Variants in NKAIN2 observed in about 807,000 individuals in gnomAD.
The protein encoded by NKAIN2 is sodium/potassium transporting ATPase interacting 2, also known as sodium/potassium-transporting ATPase subunit beta-1-interacting protein 2.
Under a neutral mutation model 32.6 loss-of-function variants are expected in NKAIN2, and 14 were observed. The observed-to-expected ratio is 0.43, with a 90% confidence interval of 0.28 to 0.67. NKAIN2 has a LOEUF of 0.67. Among genes scored for constraint, NKAIN2 ranks in the 30% least tolerant of loss-of-function variants. The pLI is 0.17. For synonymous variants in NKAIN2, 80 were observed against 87.2 expected (o/e 0.92, Z 0.46); for missense variants, 198 against 258.3 (o/e 0.77, Z 1.60).
At chr6:124,530,330 C>T (rs1779475130) in intron 3 of NKAIN2, among the ~76,000 whole-genome samples, 4 of 152,150 alleles carry the variant, frequency 2.6e-5, no homozygotes, top group African/African-American at 9.7e-5. Flanking sequence ...AATATATTTA[C>T]TATTCGCTAA....
chr6:124,046,211 A>T (rs917818257), intron 1 of NKAIN2, among the ~76,000 whole-genome samples: 1 of 152,036 alleles, frequency 6.6e-6, no homozygotes, highest in Admixed American at 6.6e-5. Flanking sequence ...TATATGCAGT[A>T]TGCTACTATA....
In NKAIN2 at chr6:123,969,607, AT is replaced by A. The variant is rs1446106975; in HGVS notation, c.54+165357del. Among the ~76,000 whole-genome samples the A allele has an allele frequency of 2.6e-5, 4 of 152,256 alleles. No individual in the cohort carries two copies. In the South Asian group the frequency reaches 8.3e-4, roughly 32 times the overall value. On this transcript the variant is annotated intron_variant, in intron 1 of 6. Coordinates refer to ENST00000368417, the MANE Select transcript of NKAIN2 (RefSeq NM_001040214.3). ...TGCCAGAGCTTCAAATAGCATGCCT[AT>A]TTTCAAAAGGAATGGAGAAGAGAGT...
intron 4 of NKAIN2, among the ~76,000 whole-genome samples, chr6:124,723,160 T>C (rs1776107253): frequency 6.6e-6 from 1 of 152,210 alleles, no homozygotes; most frequent in Non-Finnish European, 1.5e-5. Context: ...TAGAACAGAA[T>C]AGTTGATATA....
intron 3 of NKAIN2, among the ~76,000 whole-genome samples, chr6:124,486,538 G>A (rs966085580): frequency 2.0e-5 from 3 of 152,070 alleles, no homozygotes; most frequent in Non-Finnish European, 4.4e-5. Flanking sequence ...CTTTTTAAAA[G>A]CCAGGCAATA....
intron 1 of NKAIN2, among the ~76,000 whole-genome samples, chr6:124,263,608 T>C (rs1794350401): frequency 6.6e-6 from 1 of 152,198 alleles, no homozygotes; most frequent in Non-Finnish European, 1.5e-5. Flanking sequence ...AATCATTACA[T>C]AGTTAATTCC....
At chr6:123,871,192 G>C (rs186351445) in intron 1 of NKAIN2, among the ~76,000 whole-genome samples, 2 of 152,082 alleles carry the variant, frequency 1.3e-5, no homozygotes, top group Admixed American at 6.6e-5. Context: ...GTCATGTTGT[G>C]ACTATAAAGT....
At chr6:124,220,652 A>C (rs1197832290) in intron 1 of NKAIN2, among the ~76,000 whole-genome samples, 1 of 151,646 alleles carries the variant, frequency 6.6e-6, no homozygotes, top group Admixed American at 6.6e-5. Context: ...GCCTCTTCAT[A>C]TGTATTGATA....
At chr6:124,238,596 A>G (rs1792905101) in intron 1 of NKAIN2, among the ~76,000 whole-genome samples, 1 of 152,192 alleles carries the variant, frequency 6.6e-6, no homozygotes, top group African/African-American at 2.4e-5. Context: ...CGAGATCAAC[A>G]CAGAAGGCGG....
At chr6:124,704,851 G>A (rs1774974266) in intron 4 of NKAIN2, among the ~76,000 whole-genome samples, 1 of 151,854 alleles carries the variant, frequency 6.6e-6, no homozygotes, top group Non-Finnish European at 1.5e-5. Context: ...GCAGGAAATG[G>A]AAACAACAGA....
chr6:124,246,746 A>G (rs532461886), intron 1 of NKAIN2, among the ~76,000 whole-genome samples: 1 of 152,168 alleles, frequency 6.6e-6, no homozygotes, highest in South Asian at 2.1e-4. Flanking sequence ...TAAAAAAGGG[A>G]GCTATCACCC....
At chr6:123,980,149 C>A (rs1778821381) in intron 1 of NKAIN2, among the ~76,000 whole-genome samples, 1 of 152,096 alleles carries the variant, frequency 6.6e-6, no homozygotes, top group Admixed American at 6.5e-5. Flanking sequence ...CTTTGTGTTT[C>A]ATTATAGAAG....
intron 1 of NKAIN2, among the ~76,000 whole-genome samples, chr6:124,137,501 A>G (rs1233290803): frequency 6.6e-6 from 1 of 151,846 alleles, no homozygotes; most frequent in Admixed American, 6.6e-5. Context: ...CAGAACTAGG[A>G]AAAAAAACTA....
chr6:124,493,793 A>G (rs933345866), intron 3 of NKAIN2, among the ~76,000 whole-genome samples: 3 of 146,236 alleles, frequency 2.1e-5, no homozygotes, highest in African/African-American at 7.6e-5. Context: ...TACCACTGAC[A>G]CTGGCCACTC....
chr6:124,721,555 T>G (rs1776021997), intron 4 of NKAIN2, among the ~76,000 whole-genome samples: 1 of 152,188 alleles, frequency 6.6e-6, no homozygotes, highest in African/African-American at 2.4e-5. Flanking sequence ...TACAAACATA[T>G]GTAATATATT....
intron 1 of NKAIN2, among the ~76,000 whole-genome samples, chr6:124,262,769 C>T (rs1370197952): frequency 6.6e-6 from 1 of 152,032 alleles, no homozygotes; most frequent in Non-Finnish European, 1.5e-5. Context: ...AAGGAAAAGA[C>T]CAAAAACTGG....
intron 5 of NKAIN2, among the ~76,000 whole-genome samples, chr6:124,801,966 G>A (rs777807812): frequency 6.6e-6 from 1 of 152,150 alleles, no homozygotes; most frequent in Non-Finnish European, 1.5e-5. Flanking sequence ...CTCGATATAG[G>A]AAATCTAGTT....
chr6:124,661,685 G>C (rs1351739295), intron 4 of NKAIN2, among the ~76,000 whole-genome samples: 2 of 152,038 alleles, frequency 1.3e-5, no homozygotes, highest in Non-Finnish European at 2.9e-5. Flanking sequence ...GTGATATTTC[G>C]AGCTTTCTCC....
At chr6:124,278,240 T>C (rs1795130124) in intron 1 of NKAIN2, among the ~76,000 whole-genome samples, 1 of 152,152 alleles carries the variant, frequency 6.6e-6, no homozygotes, top group Non-Finnish European at 1.5e-5. Flanking sequence ...TGCAAACATT[T>C]GAAGCAAACC....
intron 1 of NKAIN2, among the ~76,000 whole-genome samples, chr6:124,273,744 G>C (rs1290967997): frequency 2.6e-5 from 4 of 152,064 alleles, no homozygotes; most frequent in Non-Finnish European, 5.9e-5. Context: ...CAAACATTAG[G>C]TATTTTTTTC....
Sources: gnomAD v4.1 joint callset for allele counts (sites outside exome capture counted in the v4.1 genomes callset) on GRCh38, gnomAD v4.1.1 for gene constraint, MANE v1.5 for transcripts, NCBI Gene and HGNC (gene_info 2026-07-23, HGNC 2026-07-21) for gene names.